The following RIMKLB variants were observed in gnomAD, a reference collection of about 807,000 sequenced individuals.
The protein encoded by RIMKLB is beta-citrylglutamate synthase B.
Under a neutral mutation model 32.0 loss-of-function variants are expected in RIMKLB, and 7 were observed. That is an observed-to-expected ratio of 0.22 (90% CI 0.12 to 0.41). The LOEUF is 0.41. Ranked by LOEUF, RIMKLB falls within the 10% of genes least tolerant of loss-of-function variation. The pLI is 1.00. For synonymous variants in RIMKLB, 172 were observed against 185.1 expected, an observed-to-expected ratio of 0.93 and a Z score of 0.57; for missense variants, 289 against 498.7, an observed-to-expected ratio of 0.58 and a Z score of 4.00.
rs749019164 is a variant in RIMKLB at position 8,745,975 on chromosome 12, G to A, written c.176-3887G>A. Among the ~76,000 whole-genome samples the A allele has an allele frequency of 1.4e-4, 21 of 151,744 alleles. 1 individual carries two copies. The highest frequency in any genetic ancestry group is 4.1e-4 in the African/African-American group (17 of 41,114). On this transcript the variant is annotated intron_variant, in intron 2 of 5. Transcript: ENST00000535829. ...TTCCTAAAGTGCTGGGATTACAGGCGTGAGCCACTGAGCCTGACCCCATAA... is the reference window on the plus strand; with the variant it reads ...TTCCTAAAGTGCTGGGATTACAGGCATGAGCCACTGAGCCTGACCCCATAA...
intron 5 of RIMKLB, among the ~76,000 whole-genome samples, chr12:8,761,677 CA>C (rs1383596332): frequency 2.6e-5 from 4 of 152,162 alleles, no homozygotes; most frequent in Admixed American, 6.5e-5. Flanking sequence ...TGAGTGCAGT[CA>C]CCTCTCCCAG....
At chr12:8,693,014 C>A (rs1326948860), upstream of RIMKLB, among the ~76,000 whole-genome samples, 1 of 152,200 alleles carries the variant, frequency 6.6e-6, no homozygotes, top group Admixed American at 6.5e-5. Context: ...AGATTAAATT[C>A]TTGTTTACAA....
chr12:8,702,994 A>G (rs897308817), intron 1 of RIMKLB, among the ~76,000 whole-genome samples: 1 of 152,178 alleles, frequency 6.6e-6, no homozygotes, highest in Admixed American at 6.5e-5. Flanking sequence ...AATCATTAGA[A>G]ATGTTTGGAG....
At position 8,723,804 on chromosome 12, in the gene RIMKLB, C is replaced by CTTTTTTTTTTTTTTTTT. The variant is rs35269536; in HGVS notation, c.175+9771_175+9787dup. Among the ~76,000 whole-genome samples the CTTTTTTTTTTTTTTTTT allele has an allele frequency of 6.6e-5, 5 of 75,520 alleles. 1 individual carries two copies. Among genetic ancestry groups the CTTTTTTTTTTTTTTTTT allele is most frequent in the African/African-American group, 2.6e-4 (5 of 18,884 alleles). The allele number at this position is 75,520 out of a possible 152,430, so 49.5% of individuals were successfully genotyped here. ...ATTCTCATAGGCTTTCTTCAGTTCC[C>CTTTTTTTTTTTTTTTTT]TTTTTTTTTTTTTTTTTTTTTTTTG... On this transcript the variant is annotated intron_variant, in intron 2 of 5. Coordinates refer to ENST00000535829, the MANE Select transcript of RIMKLB (RefSeq NM_001297776.2).
intron 1 of RIMKLB, among the ~76,000 whole-genome samples, chr12:8,707,800 A>G (rs1354404938): frequency 6.6e-6 from 1 of 152,236 alleles, no homozygotes; most frequent in East Asian, 1.9e-4. Flanking sequence ...GTTGAAGACC[A>G]AGTATATATT....
intron 2 of RIMKLB, among the ~76,000 whole-genome samples, chr12:8,732,016 C>A (rs753713735): frequency 7.2e-5 from 11 of 151,984 alleles, no homozygotes; most frequent in African/African-American, 2.7e-4. Flanking sequence ...TTCCTCTTCC[C>A]CTGCCCAAGT....
At chr12:8,764,735 C>T (rs1020627423) in intron 5 of RIMKLB, among the ~76,000 whole-genome samples, 1 of 152,082 alleles carries the variant, frequency 6.6e-6, no homozygotes, top group African/African-American at 2.4e-5. Flanking sequence ...ACCTTCGTCC[C>T]CTGGGGCAGT....
rs1375293589 is a variant in RIMKLB, at chr12:8,776,446, CTT to C, written c.*2665_*2666del. On this transcript the variant is annotated 3_prime_UTR_variant, in exon 6 of 6. Coordinates refer to ENST00000535829, the MANE Select transcript of RIMKLB (RefSeq NM_001297776.2). ...ACTTATTTTCATAATTGTTTAATAA[CTT>C]TTGTATAATCTTCATTGCTATTATG... The C allele has an allele frequency of 5.9e-6, 5 of 849,962 alleles. No individual in the cohort carries two copies. The highest frequency in any genetic ancestry group is 3.7e-5 in the African/African-American group (2 of 54,422). 52.7% of individuals were successfully genotyped at this position (849,962 alleles called of 1,614,324 possible).
chr12:8,729,871 T>C (rs1303058534), intron 2 of RIMKLB, among the ~76,000 whole-genome samples: 1 of 152,240 alleles, frequency 6.6e-6, no homozygotes, highest in African/African-American at 2.4e-5. Flanking sequence ...ACTTCTGTTT[T>C]ATAATAGCCA....
chr12:8,737,956 C>T (rs1385029424), intron 2 of RIMKLB, among the ~76,000 whole-genome samples: 3 of 152,136 alleles, frequency 2.0e-5, no homozygotes, highest in East Asian at 3.9e-4. Context: ...TCAGGTGATC[C>T]GCCTGCCTCG....
chr12:8,719,008 C>T (rs1945167643), intron 2 of RIMKLB, among the ~76,000 whole-genome samples: 1 of 152,128 alleles, frequency 6.6e-6, no homozygotes, highest in Admixed American at 6.6e-5. Flanking sequence ...CACTAAAAAT[C>T]CTGTGCTCTG....
downstream of RIMKLB, chr12:8,777,785 G>A (rs1950820283): frequency 3.6e-6 from 3 of 834,690 alleles, no homozygotes; most frequent in African/African-American, 3.7e-5. Context: ...TTCAGGCACA[G>A]CCCCAGTCTG....
At position 8,752,012 on chromosome 12, in the gene RIMKLB, A is replaced by T; in HGVS notation, c.462A>T (p.Pro154=). The stretch of plus-strand genomic sequence containing the variant: ...ATGAGGCTGAAGTTCTGGAGTTCCC[A>T]ATGGTAGTAAAGAATACGCGGGGTC... ...MIDEAEVLEF[P]MVVKNTRGHR... Residue 154 remains proline (P), a synonymous_variant, in exon 4 of 6, where the codon CCA becomes CCT. Coordinates refer to ENST00000535829, the MANE Select transcript of RIMKLB (RefSeq NM_001297776.2). 1 of 1,613,472 alleles carries T rather than the reference A, an allele frequency of 6.2e-7. No individual in the cohort carries two copies. The highest frequency in any genetic ancestry group is 8.5e-7 in the Non-Finnish European group (1 of 1,179,450).
chr12:8,717,291 C>T (rs1052993712), intron 2 of RIMKLB, among the ~76,000 whole-genome samples: 8 of 152,066 alleles, frequency 5.3e-5, no homozygotes, highest in African/African-American at 1.9e-4. Flanking sequence ...ATGAATTTTA[C>T]AATATGTGAA....
chr12:8,741,040 C>A (rs1947465332), intron 2 of RIMKLB, among the ~76,000 whole-genome samples: 1 of 152,086 alleles, frequency 6.6e-6, no homozygotes, highest in South Asian at 2.1e-4. Context: ...AACCCCAGCT[C>A]TACTAAAAAT....
chr12:8,720,676 A>G (rs1945351654), intron 2 of RIMKLB, among the ~76,000 whole-genome samples: 1 of 151,966 alleles, frequency 6.6e-6, no homozygotes, highest in Admixed American at 6.6e-5. Flanking sequence ...AGTAGCTGGG[A>G]TTATAGGTGC....
chr12:8,769,971 T>C (rs910408340), intron 5 of RIMKLB, among the ~76,000 whole-genome samples: 1 of 131,164 alleles, frequency 7.6e-6, no homozygotes, highest in Non-Finnish European at 1.6e-5. Context: ...GTAGCAATAA[T>C]TTTTTTTTTT....
At position 8,776,050 on chromosome 12, in the gene RIMKLB, CCAT is replaced by C; in HGVS notation, c.*2268_*2270del. 3 of 983,312 alleles carry C rather than the reference CCAT, an allele frequency of 3.1e-6. No homozygotes were observed. The highest frequency in any genetic ancestry group is 3.6e-6 in the Non-Finnish European group (3 of 828,064). 60.9% of individuals were successfully genotyped at this position (983,312 alleles called of 1,614,324 possible). ...TATCATTCATATGTTCATATAGAGA[CCAT>C]CTGGTTGCCATGTGTATTATGACAC... On this transcript the variant is annotated 3_prime_UTR_variant, in exon 6 of 6. Transcript: ENST00000535829.
intron 2 of RIMKLB, among the ~76,000 whole-genome samples, chr12:8,743,676 C>A (rs938701379): frequency 2.0e-5 from 3 of 151,802 alleles, no homozygotes; most frequent in African/African-American, 7.3e-5. Context: ...CAGCCCTTAA[C>A]ACTGTCACTC....
Sources: allele counts gnomAD v4.1 joint callset (sites outside exome capture counted in the v4.1 genomes callset), GRCh38; gene constraint gnomAD v4.1.1; transcripts MANE v1.5; gene names NCBI Gene and HGNC (gene_info 2026-07-23, HGNC 2026-07-21).